Variants in MAGI3 observed in about 807,000 individuals in gnomAD.
The protein encoded by MAGI3 is membrane associated guanylate kinase, WW and PDZ domain containing 3, also known as membrane-associated guanylate kinase, WW and PDZ domain-containing protein 3.
In MAGI3, 43 loss-of-function variants were observed where a neutral mutation model predicts 121.8. The ratio of observed to expected loss-of-function variants is 0.35; its 90% CI spans 0.28 to 0.46. The LOEUF is 0.46. Among genes scored for constraint, MAGI3 ranks in the 20% least tolerant of loss-of-function variants. The pLI is 1.00. For missense variants in MAGI3, 1,547 were observed against 1,797.3 expected, an observed-to-expected ratio of 0.86 and a Z score of 2.52; for synonymous variants, 553 against 639.3, an observed-to-expected ratio of 0.86 and a Z score of 2.04.
intron 1 of MAGI3, among the ~76,000 whole-genome samples, chr1:113,415,148 C>A (rs1348863599): frequency 6.6e-6 from 1 of 152,042 alleles, no homozygotes; most frequent in Non-Finnish European, 1.5e-5. Flanking sequence ...TAGTAGCTTT[C>A]TTCTAAGTGC....
chr1:113,432,540 T>A (rs1438873391), intron 1 of MAGI3, among the ~76,000 whole-genome samples: 4 of 150,072 alleles, frequency 2.7e-5, no homozygotes, highest in Non-Finnish European at 5.9e-5. Context: ...ATTTTTGTTA[T>A]TTTTTTTTTA....
At chr1:113,627,527 C>T (rs371992154) in intron 9 of MAGI3, among the ~76,000 whole-genome samples, 1 of 150,294 alleles carries the variant, frequency 6.7e-6, no homozygotes, top group Admixed American at 6.6e-5. Context: ...ATGTTGAAGT[C>T]TCCTGCTATT....
chr1:113,571,381 T>C (rs1442326872), intron 2 of MAGI3, among the ~76,000 whole-genome samples: 2 of 152,212 alleles, frequency 1.3e-5, no homozygotes, highest in Non-Finnish European at 2.9e-5. Flanking sequence ...TATGAGGTCT[T>C]TTTGTTTCCA....
intron 6 of MAGI3, among the ~76,000 whole-genome samples, chr1:113,595,433 C>T (rs562277703): frequency 1.3e-5 from 2 of 152,214 alleles, no homozygotes; most frequent in East Asian, 1.9e-4. Flanking sequence ...TTTTGTATTA[C>T]TAATCAGAAA....
chr1:113,526,445 T>C (rs1321861331), intron 1 of MAGI3, among the ~76,000 whole-genome samples: 2 of 152,228 alleles, frequency 1.3e-5, no homozygotes, highest in South Asian at 4.1e-4. Context: ...AAAAGGAACA[T>C]CACATCCCAA....
intron 1 of MAGI3, among the ~76,000 whole-genome samples, chr1:113,484,610 T>TTA (rs145744139): frequency 0.049 from 7,065 of 144,000 alleles, 268 homozygotes; most frequent in Non-Finnish European, 0.073. Context: ...CAGTGTTCTA[T>TTA]TATATATATA....
At chr1:113,641,346 A>T (rs956044155) in intron 9 of MAGI3, among the ~76,000 whole-genome samples, 1 of 150,706 alleles carries the variant, frequency 6.6e-6, no homozygotes, top group Non-Finnish European at 1.5e-5. Flanking sequence ...ACTTAGCAGG[A>T]TTCCTGCTAA....
At chr1:113,510,496 A>G (rs17507884) in intron 1 of MAGI3, among the ~76,000 whole-genome samples, 9,695 of 152,080 alleles carry the variant, frequency 0.064, 346 homozygotes, top group Non-Finnish European at 0.076. Context: ...CTGGGTAGCT[A>G]TCCCTTCTGC....
intron 7 of MAGI3, among the ~76,000 whole-genome samples, chr1:113,615,893 A>G (rs1650429642): frequency 6.6e-6 from 1 of 152,158 alleles, no homozygotes. Flanking sequence ...TTTCACATCA[A>G]AGGAGTATTT....
At chr1:113,494,283 T>C (rs1019602543) in intron 1 of MAGI3, among the ~76,000 whole-genome samples, 2 of 152,110 alleles carry the variant, frequency 1.3e-5, no homozygotes, top group African/African-American at 4.8e-5. Flanking sequence ...ATACCACATG[T>C]TCTCACGTAC....
intron 1 of MAGI3, among the ~76,000 whole-genome samples, chr1:113,485,610 G>T (rs547396872): frequency 4.6e-5 from 7 of 152,092 alleles, no homozygotes; most frequent in Non-Finnish European, 5.9e-5. Context: ...TCACTCTGTG[G>T]GTTGTCAATT....
At chr1:113,506,912 G>A (rs542930473) in intron 1 of MAGI3, among the ~76,000 whole-genome samples, 44 of 152,258 alleles carry the variant, frequency 2.9e-4, no homozygotes, top group South Asian at 8.3e-4. Context: ...GACTGCTGGC[G>A]CCTTCTTGGG....
In MAGI3 at chr1:113,681,193, T is replaced by G; in HGVS notation, c.3190-5T>G. ...ATGTTGTTCCTGTGAATGTTCTCTGTCTAGGTTGGTGACCAGATTGTTGAA... is the reference window on the plus strand; with the variant it reads ...ATGTTGTTCCTGTGAATGTTCTCTGGCTAGGTTGGTGACCAGATTGTTGAA... On this transcript the variant is annotated splice_polypyrimidine_tract_variant and splice_region_variant and intron_variant, in intron 19 of 20. Transcript: ENST00000307546. The G allele has an allele frequency of 6.2e-7, 1 of 1,613,054 alleles. No individual in the cohort carries two copies. Among genetic ancestry groups the G allele is most frequent in the Non-Finnish European group, 8.5e-7 (1 of 1,179,722 alleles).
chr1:113,490,639 C>G (rs541869531), intron 1 of MAGI3, among the ~76,000 whole-genome samples: 5 of 152,084 alleles, frequency 3.3e-5, no homozygotes, highest in African/African-American at 1.2e-4. Flanking sequence ...CAGTCTCACA[C>G]GGAGTGACAT....
chr1:113,565,115 G>C (rs1406681077), intron 2 of MAGI3, among the ~76,000 whole-genome samples: 3 of 152,064 alleles, frequency 2.0e-5, no homozygotes, highest in Non-Finnish European at 2.9e-5. Context: ...CTCCCAAAGT[G>C]CTGGGATTGC....
At chr1:113,625,524 T>C (rs886970978) in intron 9 of MAGI3, among the ~76,000 whole-genome samples, 3 of 152,248 alleles carry the variant, frequency 2.0e-5, no homozygotes, top group Non-Finnish European at 2.9e-5. Context: ...GAAAGGCTAC[T>C]GATTTTTGTA....
chr1:113,468,540 C>T (rs1469430306), intron 1 of MAGI3, among the ~76,000 whole-genome samples: 1 of 152,116 alleles, frequency 6.6e-6, no homozygotes, highest in African/African-American at 2.4e-5. Flanking sequence ...GACAGGACAG[C>T]TCACCACTTT....
intron 1 of MAGI3, among the ~76,000 whole-genome samples, chr1:113,487,537 T>C (rs955136791): frequency 2.0e-5 from 3 of 152,156 alleles, no homozygotes; most frequent in African/African-American, 7.2e-5. Flanking sequence ...ACACTAGGCA[T>C]AAATGTATTA....
chr1:113,635,670 T>C (rs1269331134), intron 9 of MAGI3, among the ~76,000 whole-genome samples: 35 of 152,270 alleles, frequency 2.3e-4, no homozygotes, highest in African/African-American at 7.0e-4. Flanking sequence ...TCATCAAGGA[T>C]ATTGGTCTAA....
Sources: allele counts gnomAD v4.1 joint callset (sites outside exome capture counted in the v4.1 genomes callset), GRCh38; gene constraint gnomAD v4.1.1; transcripts MANE v1.5; gene names NCBI Gene and HGNC (gene_info 2026-07-23, HGNC 2026-07-21).